MAP3K13: variants seen among roughly 807,000 people sequenced by gnomAD.
The protein encoded by MAP3K13 is mitogen-activated protein kinase kinase kinase 13.
A neutral mutation model predicts 104.0 loss-of-function variants in MAP3K13; 52 were observed. The observed-to-expected ratio is 0.50, with a 90% confidence interval of 0.40 to 0.63. The LOEUF is 0.63. Among genes scored for constraint, MAP3K13 ranks in the 20% least tolerant of loss-of-function variants. The pLI is 0.00. For synonymous variants in MAP3K13, 394 were observed against 442.2 expected (o/e 0.89, Z 1.37); for missense variants, 914 against 1,218.5 (o/e 0.75, Z 3.72).
chr3:185,472,576 C>T (rs961464657), intron 10 of MAP3K13, among the ~76,000 whole-genome samples: 10 of 152,142 alleles, frequency 6.6e-5, no homozygotes, highest in East Asian at 1.9e-4. Context: ...GTTCCATAAA[C>T]GTTTCATAAA....
rs1247477164 is a variant in MAP3K13, at chr3:185,466,929, G to C, written c.1609G>C (p.Gly537Arg). ...CATGGAGAAACTCATGAAAAGGAAA[G>C]GAGTGCCTCACAAATCTGGGATGCA... ...NAMEKLMKRK[G>R]VPHKSGMQTK... Residue 537 changes from glycine (G) to arginine (R), a missense_variant, in exon 10 of 14, where the codon GGA (glycine) becomes CGA (arginine). Transcript: ENST00000265026. 3 of 1,613,946 alleles carry C rather than the reference G, an allele frequency of 1.9e-6. No individual in the cohort carries two copies. Among genetic ancestry groups the C allele is most frequent in the Non-Finnish European group, 2.5e-6 (3 of 1,179,866 alleles).
intron 2 of MAP3K13, 34 bp from the exon 3 acceptor site, chr3:185,437,413 T>G: frequency 1.3e-6 from 2 of 1,595,738 alleles, no homozygotes; most frequent in Non-Finnish European, 1.7e-6. Context: ...CCTTCTGAGA[T>G]CTCTTCAAGC....
chr3:185,333,666 G>A (rs552567704), intron 2 of MAP3K13, among the ~76,000 whole-genome samples: 13 of 152,232 alleles, frequency 8.5e-5, no homozygotes, highest in South Asian at 8.3e-4. Flanking sequence ...GGCTGAGCCC[G>A]GAGGATCACT....
At chr3:185,378,397 G>A (rs1046275769) in intron 1 of MAP3K13, among the ~76,000 whole-genome samples, 1 of 152,042 alleles carries the variant, frequency 6.6e-6, no homozygotes, top group African/African-American at 2.4e-5. Flanking sequence ...ATCTGATTTG[G>A]GATAAAGAAA....
upstream of MAP3K13, among the ~76,000 whole-genome samples, chr3:185,359,223 C>G (rs1368481772): frequency 6.6e-6 from 1 of 152,058 alleles, no homozygotes; most frequent in Non-Finnish European, 1.5e-5. Context: ...GAGGAAGATG[C>G]AAAAGTGGAA....
chr3:185,319,303 C>G (rs1721779809), intron 2 of MAP3K13, among the ~76,000 whole-genome samples: 1 of 152,164 alleles, frequency 6.6e-6, no homozygotes, highest in Non-Finnish European at 1.5e-5. Flanking sequence ...AACATTGCAC[C>G]TAAGTATACA....
chr3:185,439,843 C>T (rs1192552552), intron 3 of MAP3K13, among the ~76,000 whole-genome samples: 5 of 152,162 alleles, frequency 3.3e-5, no homozygotes, highest in African/African-American at 1.2e-4. Context: ...GCTGAAGACA[C>T]TTGAATAGTA....
intron 1 of MAP3K13, among the ~76,000 whole-genome samples, chr3:185,374,019 A>G (rs35911285): frequency 0.24 from 36,774 of 151,680 alleles, 4,512 homozygotes; most frequent in Admixed American, 0.29. Flanking sequence ...ACATTCTCAA[A>G]GGTGGGGAGA....
intron 2 of MAP3K13, among the ~76,000 whole-genome samples, chr3:185,311,062 C>T (rs769785568): frequency 6.6e-5 from 10 of 152,216 alleles, no homozygotes; most frequent in Non-Finnish European, 8.8e-5. Context: ...CTAAAGCACT[C>T]AACAAGTGGT....
intron 7 of MAP3K13, among the ~76,000 whole-genome samples, chr3:185,455,670 T>TATATATGACATATATATC (rs1560120266): frequency 8.6e-5 from 2 of 23,258 alleles, no homozygotes; most frequent in African/African-American, 1.9e-4. Context: ...ATATATATGA[T>TATATATGACATATATATC]ATATATATGA....
Position 185,470,498 on chromosome 3 carries a change from G to A in MAP3K13, c.1644-2477G>A, listed in dbSNP as rs202125978. Among the ~76,000 whole-genome samples, 53 of 152,232 alleles carry A rather than the reference G, an allele frequency of 3.5e-4. No homozygotes were observed. The East Asian group carries it at 6.6e-3, about 19-fold the overall frequency. ...CAAAGTGAAATGCCAGTGTCACTCC[G>A]CACTAGCCCGTCTCTTCCTGCTTCT... On this transcript the variant is annotated intron_variant, in intron 10 of 13. Coordinates refer to ENST00000265026, the MANE Select transcript of MAP3K13 (RefSeq NM_004721.5).
chr3:185,292,002 C>T lies in MAP3K13; in HGVS notation c.-86+6359C>T, dbSNP rs372361258. The T allele has an allele frequency of 1.1e-5, 11 of 1,017,492 alleles. 1 individual carries two copies. The South Asian group carries it at 1.8e-4, about 17-fold the overall frequency. 63.0% of individuals were successfully genotyped at this position (1,017,492 alleles called of 1,614,324 possible). Reference sequence around the variant, plus strand: ...TTAGAATTAGGTCTTTTATCATATCCTATAAAAAGTTGAGTTAACAGGCTG... The same window carrying T: ...TTAGAATTAGGTCTTTTATCATATCTTATAAAAAGTTGAGTTAACAGGCTG... On this transcript the variant is annotated intron_variant, in intron 2 of 14. Coordinates refer to the MAP3K13 transcript ENST00000424227.
At chr3:185,474,353 T>C (rs1379798828) in intron 11 of MAP3K13, among the ~76,000 whole-genome samples, 2 of 151,818 alleles carry the variant, frequency 1.3e-5, no homozygotes, top group African/African-American at 4.8e-5. Flanking sequence ...AAAAACTATA[T>C]AGTGGGGATA....
intron 1 of MAP3K13, among the ~76,000 whole-genome samples, chr3:185,420,367 C>T (rs1343231271): frequency 6.6e-6 from 1 of 152,162 alleles, no homozygotes; most frequent in Non-Finnish European, 1.5e-5. Flanking sequence ...TTTCAAAGTT[C>T]AAATTAAGAT....
At chr3:185,379,637 G>A (rs1435167809) in intron 1 of MAP3K13, among the ~76,000 whole-genome samples, 1 of 152,244 alleles carries the variant, frequency 6.6e-6, no homozygotes, top group Non-Finnish European at 1.5e-5. Context: ...CCACTAAACA[G>A]GCTTTGTGTG....
rs548657634 is a variant in MAP3K13, at chr3:185,376,794, A to T, written c.-86+13426A>T. ...GGGTTTGGGAGATTAACCGGACGTG[A>T]TCAGCAGGGAGAGCACGTGTGTTTT... is the stretch of plus-strand genomic sequence containing the variant. On this transcript the variant is annotated intron_variant, in intron 1 of 13. Coordinates refer to ENST00000265026, the MANE Select transcript of MAP3K13 (RefSeq NM_004721.5). Among the ~76,000 whole-genome samples the T allele has an allele frequency of 2.5e-4, 38 of 152,218 alleles. 2 individuals carry two copies. The South Asian group carries it at 7.5e-3, about 30-fold the overall frequency.
chr3:185,455,724 TG>T lies in MAP3K13; in HGVS notation c.1278+4330del, dbSNP rs1161300476. On this transcript the variant is annotated intron_variant, in intron 7 of 13. Transcript: ENST00000265026. ...ATATGAGATATATATGAGATATATA[TG>T]ATATATATATGAGATATATATATGA... 2.1e-3 allele frequency among the ~76,000 whole-genome samples: 78 copies of T among 37,154 alleles called. 7 individuals carry two copies. Among genetic ancestry groups the T allele is most frequent in the Non-Finnish European group, 2.7e-3 (40 of 14,818 alleles). The allele number at this position is 37,154 out of a possible 152,430, so 24.4% of individuals were successfully genotyped here.
chr3:185,340,091 A>G (rs1490538145), intron 2 of MAP3K13, among the ~76,000 whole-genome samples: 2 of 152,108 alleles, frequency 1.3e-5, no homozygotes, highest in Admixed American at 1.3e-4. Context: ...AGGTTATAAA[A>G]ATGTTTTAGG....
At position 185,465,852 on chromosome 3, in the gene MAP3K13, G is replaced by A. The variant is rs1160094329; in HGVS notation, c.1494G>A (p.Lys498=). The A allele has an allele frequency of 6.2e-7, 1 of 1,612,364 alleles. No homozygotes were observed. The highest frequency in any genetic ancestry group is 8.5e-7 in the Non-Finnish European group (1 of 1,178,390). The change falls in exon 9 of 14, where the codon AAG becomes AAA. Residue 498 remains lysine, a synonymous_variant. Coordinates refer to ENST00000265026, the MANE Select transcript of MAP3K13 (RefSeq NM_004721.5). ...TGCTGCAGCTAGAAATGCGGGAGAAGGAGCTCATTAAGTATGTATCCAGAC... is the reference window on the plus strand; with the variant it reads ...TGCTGCAGCTAGAAATGCGGGAGAAAGAGCTCATTAAGTATGTATCCAGAC... ...AIMLQLEMRE[K]ELIKREQAVE...
Sources: allele counts gnomAD v4.1 joint callset (sites outside exome capture counted in the v4.1 genomes callset), GRCh38; gene constraint gnomAD v4.1.1; transcripts MANE v1.5; gene names NCBI Gene and HGNC (gene_info 2026-07-23, HGNC 2026-07-21).